Variants in KRT18 observed in about 807,000 individuals in gnomAD.
KRT18 encodes the protein keratin, type I cytoskeletal 18.
KRT18 carries 8 observed loss-of-function variants against 39.9 expected under a neutral mutation model. The ratio of observed to expected loss-of-function variants is 0.20; its 90% CI spans 0.12 to 0.36. The LOEUF (loss-of-function observed/expected upper bound fraction) is 0.36, where lower values mean the gene tolerates loss of function less well. Among genes scored for constraint, KRT18 ranks in the 10% least tolerant of loss-of-function variants. The probability of loss-of-function intolerance (pLI) is 1.00; values close to 1 mark genes in which losing one functional copy is unlikely to be tolerated. For missense variants in KRT18, 396 were observed against 565.7 expected (o/e 0.70, Z 3.04); for synonymous variants, 194 against 227.8 (o/e 0.85, Z 1.33).
At chr12:52,952,572 T>C in intron 6 of KRT18, 150 bp from the exon 7 acceptor site, 1 of 921,690 alleles carries the variant, frequency 1.1e-6, no homozygotes, top group South Asian at 1.3e-5. Context: ...GCAAATGAAG[T>C]TTGGCCTTGA....
chr12:52,948,983 G>T (rs1476576659), upstream of KRT18: 4 of 495,152 alleles, frequency 8.1e-6, no homozygotes, highest in Middle Eastern at 5.2e-4. Context: ...CGGGGGTGGG[G>T]CCCGGGGCGG....
chr12:52,951,499 G>A lies in KRT18; in HGVS notation c.676G>A (p.Ala226Thr), dbSNP rs763059508. The change falls in exon 4 of 7, where the codon GCC (alanine) becomes ACC (threonine). Residue 226 changes from alanine (A) to threonine (T), a missense_variant. Physicochemically the swap from Ala to Thr is moderately conservative, Grantham distance 58 (BLOSUM62 0). Coordinates refer to ENST00000388835, the MANE Select transcript of KRT18 (RefSeq NM_000224.3). ...NHEEEVKGLQ[A>T]QIASSGLTVE... ...CCTTTAGGAAGTAAAAGGCCTACAA[G>A]CCCAGATTGCCAGCTCTGGGTTGAC... 3.7e-6 allele frequency: 6 copies of A among 1,613,918 alleles called. No individual in the cohort carries two copies. The highest frequency in any genetic ancestry group is 5.1e-6 in the Non-Finnish European group (6 of 1,179,936).
intron 4 of KRT18, 38 bp from the exon 5 acceptor site, chr12:52,951,693 C>T (rs547738806): frequency 9.9e-6 from 16 of 1,613,042 alleles, no homozygotes; most frequent in Admixed American, 1.7e-5. Flanking sequence ...GGGAGGCAGA[C>T]GGAATGAGGG....
rs376159688 is a variant in KRT18, at chr12:52,952,685, G to A, written c.1173-37G>A. On this transcript the variant is annotated intron_variant, in intron 6 of 6. Transcript: ENST00000388835. ...TTTCTTGTCTCCCTTCTACTCCACG[G>A]GGCTGTTTATAACTTGGGCTTGGTC... The A allele has an allele frequency of 3.0e-5, 49 of 1,611,480 alleles. No individual in the cohort carries two copies. In the African/African-American group the frequency reaches 5.2e-4, roughly 17 times the overall value.
In KRT18 at chr12:52,949,254, G is replaced by A. The variant is rs1473739765; in HGVS notation, c.81G>A (p.Arg27=). 2.6e-5 allele frequency: 42 copies of A among 1,611,262 alleles called. No homozygotes were observed. Among genetic ancestry groups the A allele is most frequent in the Non-Finnish European group, 3.6e-5 (42 of 1,179,864 alleles). Residue 27 remains arginine, a synonymous_variant, in exon 1 of 7, where the codon CGG becomes CGA. Transcript: ENST00000388835. Reference sequence around the variant, plus strand: ...TCCAGGCGCCCAGCTACGGCGCCCGGCCGGTCAGCAGCGCGGCCAGCGTCT... The same window carrying A: ...TCCAGGCGCCCAGCTACGGCGCCCGACCGGTCAGCAGCGCGGCCAGCGTCT... The part of the protein sequence containing the change: ...GSVQAPSYGA[R]PVSSAASVYA...
At chr12:52,952,660 TTTC>T in intron 6 of KRT18, 59 bp from the exon 7 acceptor site, 1 of 1,594,496 alleles carries the variant, frequency 6.3e-7, no homozygotes, top group Non-Finnish European at 8.6e-7. Context: ...TCCCTCTACC[TTTC>T]TTGTCTCCCT....
intron 3 of KRT18, 48 bp downstream of exon 3, chr12:52,950,954 GT>G: frequency 6.5e-7 from 1 of 1,531,022 alleles, no homozygotes; most frequent in South Asian, 1.2e-5. Context: ...GCCAAGAGAA[GT>G]CTGGGTCGGA....
intron 3 of KRT18, among the ~76,000 whole-genome samples, 186 bp from the exon 4 acceptor site, chr12:52,951,295 G>A (rs1942483640): frequency 6.6e-6 from 1 of 152,172 alleles, no homozygotes; most frequent in African/African-American, 2.4e-5. Flanking sequence ...AACCATCAGT[G>A]AGTGGGTGGC....
chr12:52,952,240 A>G lies in KRT18; in HGVS notation c.1070A>G (p.Gln357Arg), dbSNP rs1456394601. Reference sequence around the variant, plus strand: ...CTGGCACAGACCCGGGCAGAGGGACAGCGCCAGGCCCAGGAGTATGAGGCC... The same window carrying G: ...CTGGCACAGACCCGGGCAGAGGGACGGCGCCAGGCCCAGGAGTATGAGGCC... Reference protein sequence around the residue: ...SELAQTRAEGQRQAQEYEALL... With the variant: ...SELAQTRAEGRRQAQEYEALL... The change falls in exon 6 of 7, where the codon CAG (glutamine) becomes CGG (arginine). Residue 357 changes from glutamine to arginine, a missense_variant. By Grantham distance (43) the Gln-to-Arg change is conservative. Transcript: ENST00000388835. 2 of 1,604,614 alleles carry G rather than the reference A, an allele frequency of 1.2e-6. No homozygotes were observed. The highest frequency in any genetic ancestry group is 1.7e-6 in the Non-Finnish European group (2 of 1,176,598).
chr12:52,949,829 G>C (rs867557553), intron 1 of KRT18: 2 of 704,100 alleles, frequency 2.8e-6, no homozygotes, highest in Non-Finnish European at 5.2e-6. Flanking sequence ...CTTTACAGAG[G>C]AAGTGGACAG....
chr12:52,948,890 A>C (rs2120758905), upstream of KRT18: 2 of 423,158 alleles, frequency 4.7e-6, no homozygotes, highest in South Asian at 1.9e-4. Flanking sequence ...AGGGCCAACA[A>C]CACCTGCTGT....
At chr12:52,952,446 C>G (rs1441657475) in intron 6 of KRT18, 104 bp downstream of exon 6, 2 of 866,328 alleles carry the variant, frequency 2.3e-6, no homozygotes, top group African/African-American at 3.3e-5. Flanking sequence ...CTGGTATCCA[C>G]TGAGCACTGG....
In KRT18 at chr12:52,949,757, C is replaced by T. The variant is rs542949042; in HGVS notation, c.417+167C>T. 286 of 729,894 alleles carry T rather than the reference C, an allele frequency of 3.9e-4. 3 individuals carry two copies. The South Asian group carries it at 4.0e-3, about 10-fold the overall frequency. The allele number at this position is 729,894 out of a possible 1,614,324, so 45.2% of individuals were successfully genotyped here. A position where few individuals can be genotyped will look rare whatever the true frequency, so the allele number is the denominator to read the frequency against. ...CACCTAGCCACAGGGTCCCTAAGAGCAGCAGCTAGGCATGGGAGGGCTCTT... is the reference window on the plus strand; with the variant it reads ...CACCTAGCCACAGGGTCCCTAAGAGTAGCAGCTAGGCATGGGAGGGCTCTT... On this transcript the variant is annotated intron_variant, in intron 1 of 6. Coordinates refer to ENST00000388835, the MANE Select transcript of KRT18 (RefSeq NM_000224.3).
intron 1 of KRT18, 65 bp downstream of exon 1, chr12:52,949,655 C>T: frequency 7.1e-7 from 1 of 1,416,210 alleles, no homozygotes; most frequent in Non-Finnish European, 9.9e-7. Flanking sequence ...ACTCCTTTGC[C>T]TCTTTCCGTC....
intron 6 of KRT18, 36 bp downstream of exon 6, chr12:52,952,378 C>T (rs1313713831): frequency 7.3e-7 from 1 of 1,365,852 alleles, no homozygotes; most frequent in East Asian, 2.4e-5. Context: ...GTGCTGGGAT[C>T]AGGAGATCAC....
chr12:52,950,537 C>A, intron 2 of KRT18, 127 bp downstream of exon 2: 1 of 841,006 alleles, frequency 1.2e-6, no homozygotes. Flanking sequence ...AGTCAGGGTC[C>A]ATCAGTGTAT....
At chr12:52,951,956 T>C (rs1400885915) in intron 5 of KRT18, 100 bp downstream of exon 5, 1 of 1,477,220 alleles carries the variant, frequency 6.8e-7, no homozygotes, top group Non-Finnish European at 9.4e-7. Flanking sequence ...TGAGTTCCTT[T>C]AGCTCAGAAA....
chr12:52,952,703 G>A lies in KRT18; in HGVS notation c.1173-19G>A, dbSNP rs1942512607. On this transcript the variant is annotated intron_variant, in intron 6 of 6. Coordinates refer to ENST00000388835, the MANE Select transcript of KRT18 (RefSeq NM_000224.3). ...CTCCACGGGGCTGTTTATAACTTGG[G>A]CTTGGTCTTCTGTTACAGTCTTGGT... is the stretch of plus-strand genomic sequence containing the variant. The A allele has an allele frequency of 3.1e-6, 5 of 1,612,108 alleles. No homozygotes were observed. The highest frequency in any genetic ancestry group is 1.1e-5 in the South Asian group (1 of 90,992).
At position 52,950,739 on chromosome 12, in the gene KRT18, C is replaced by T. The variant is rs778986183; in HGVS notation, c.501-11C>T. The T allele has an allele frequency of 6.2e-7, 1 of 1,608,704 alleles. No individual in the cohort carries two copies. Among genetic ancestry groups the T allele is most frequent in the Non-Finnish European group, 8.5e-7 (1 of 1,178,348 alleles). On this transcript the variant is annotated splice_polypyrimidine_tract_variant and intron_variant, in intron 2 of 6. Coordinates refer to ENST00000388835, the MANE Select transcript of KRT18 (RefSeq NM_000224.3). ...AGATAGGGGCCCCTCTGATCACCTC[C>T]ACTCCTATAGGTATGAGACAGAGCT...
Sources: gnomAD v4.1 joint callset for allele counts (sites outside exome capture counted in the v4.1 genomes callset) on GRCh38, gnomAD v4.1.1 for gene constraint, MANE v1.5 for transcripts, NCBI Gene and HGNC (gene_info 2026-07-23, HGNC 2026-07-21) for gene names.